Variants in CACNB2 observed in about 807,000 individuals in gnomAD.
The protein encoded by CACNB2 is voltage-dependent L-type calcium channel subunit beta-2.
A neutral mutation model predicts 73.3 loss-of-function variants in CACNB2; 42 were observed. The ratio of observed to expected loss-of-function variants is 0.57; its 90% CI spans 0.45 to 0.74. The LOEUF is 0.74. Among genes scored for constraint, CACNB2 ranks in the 30% least tolerant of loss-of-function variants. The probability of loss-of-function intolerance (pLI) is 0.00; values close to 1 mark genes in which losing one functional copy is unlikely to be tolerated. For missense variants in CACNB2, 940 were observed against 853.0 expected (o/e 1.10, Z -1.27); for synonymous variants, 348 against 310.3 (o/e 1.12, Z -1.28).
intron 2 of CACNB2, among the ~76,000 whole-genome samples, chr10:18,362,784 T>C (rs2042194103): frequency 6.6e-6 from 1 of 152,148 alleles, no homozygotes; most frequent in Non-Finnish European, 1.5e-5. Context: ...GGCACATGCC[T>C]GTAGTCCCAG....
chr10:18,194,874 A>G (rs1357091095), intron 2 of CACNB2, among the ~76,000 whole-genome samples: 1 of 152,210 alleles, frequency 6.6e-6, no homozygotes, highest in African/African-American at 2.4e-5. Flanking sequence ...CATGATGTCC[A>G]TTCACTTTAT....
intron 3 of CACNB2, among the ~76,000 whole-genome samples, chr10:18,479,647 G>A (rs1589479751): frequency 6.6e-6 from 1 of 152,132 alleles, no homozygotes; most frequent in South Asian, 2.1e-4. Flanking sequence ...TCTCATGATA[G>A]TGAGGTTCTT....
At chr10:18,227,563 A>G (rs373544118) in intron 2 of CACNB2, among the ~76,000 whole-genome samples, 2 of 152,344 alleles carry the variant, frequency 1.3e-5, no homozygotes, top group Admixed American at 6.5e-5. Flanking sequence ...GAGAAATCAA[A>G]GAGACAGTTT....
chr10:18,423,057 C>T (rs2045412288), intron 3 of CACNB2, among the ~76,000 whole-genome samples: 1 of 152,196 alleles, frequency 6.6e-6, no homozygotes, highest in Non-Finnish European at 1.5e-5. Flanking sequence ...CTGAATGAAT[C>T]ACATGATCTG....
intron 2 of CACNB2, among the ~76,000 whole-genome samples, chr10:18,348,187 G>A: frequency 6.6e-6 from 1 of 152,124 alleles, no homozygotes; most frequent in Non-Finnish European, 1.5e-5. Flanking sequence ...CGTTTGCAAC[G>A]ATGTACATTT....
At chr10:18,143,343 G>A (rs1489927897) in intron 1 of CACNB2, among the ~76,000 whole-genome samples, 3 of 152,120 alleles carry the variant, frequency 2.0e-5, no homozygotes, top group Non-Finnish European at 2.9e-5. Flanking sequence ...AGGCCTAAGC[G>A]AAAAAGAGAT....
At chr10:18,270,326 T>A (rs1337411373) in intron 2 of CACNB2, among the ~76,000 whole-genome samples, 1 of 152,186 alleles carries the variant, frequency 6.6e-6, no homozygotes, top group Non-Finnish European at 1.5e-5. Flanking sequence ...GGGGGGATTA[T>A]GGGGATTACA....
At chr10:18,532,400 G>A (rs944855590) in intron 10 of CACNB2, among the ~76,000 whole-genome samples, 28 of 152,004 alleles carry the variant, frequency 1.8e-4, no homozygotes, top group African/African-American at 5.3e-4. Flanking sequence ...AGGGCTGGGC[G>A]CAGTGGCTCA....
At chr10:18,461,463 A>T (rs2047572099) in intron 3 of CACNB2, among the ~76,000 whole-genome samples, 1 of 151,518 alleles carries the variant, frequency 6.6e-6, no homozygotes, top group South Asian at 2.1e-4. Context: ...CTATCAAGAT[A>T]TATTTATATT....
intron 3 of CACNB2, among the ~76,000 whole-genome samples, chr10:18,480,727 T>TA (rs1420626792): frequency 4.6e-5 from 7 of 152,200 alleles, no homozygotes; most frequent in Admixed American, 3.3e-4. Context: ...GAACTATGGT[T>TA]AGGGCTAAGA....
chr10:18,411,842 T>C (rs1226624381), intron 3 of CACNB2, among the ~76,000 whole-genome samples: 2 of 152,206 alleles, frequency 1.3e-5, no homozygotes, highest in African/African-American at 2.4e-5. Context: ...TGAGCAGTCA[T>C]GACCTTACAA....
In CACNB2 at chr10:18,446,489, T is replaced by C. The variant is rs181920738; in HGVS notation, c.333+44446T>C. On this transcript the variant is annotated intron_variant, in intron 3 of 13. Transcript: ENST00000324631. ...ACTATAAGACTAGAAACAAGATCTC[T>C]GCAAGGAAAAGAATCAATGAGGCTG... Among the ~76,000 whole-genome samples, 12 of 152,230 alleles carry C rather than the reference T, an allele frequency of 7.9e-5. No individual in the cohort carries two copies. In the East Asian group the frequency reaches 1.7e-3, roughly 22 times the overall value.
intron 2 of CACNB2, among the ~76,000 whole-genome samples, chr10:18,262,225 G>T (rs10764369): frequency 6.8e-6 from 1 of 146,888 alleles, no homozygotes; most frequent in African/African-American, 2.5e-5. Context: ...TGGAAAATTG[G>T]CCACAGAAAA....
chr10:18,475,509 A>T (rs1389659457), intron 3 of CACNB2, among the ~76,000 whole-genome samples: 1 of 152,184 alleles, frequency 6.6e-6, no homozygotes. Flanking sequence ...TGCAGATCAG[A>T]TAAGCATTTC....
At chr10:18,169,287 T>G (rs2033074699) in intron 2 of CACNB2, among the ~76,000 whole-genome samples, 1 of 152,176 alleles carries the variant, frequency 6.6e-6, no homozygotes, top group Non-Finnish European at 1.5e-5. Context: ...GTACAATGAG[T>G]AATTCTTTTG....
At chr10:18,394,261 T>A (rs975045242) in intron 2 of CACNB2, among the ~76,000 whole-genome samples, 7 of 151,912 alleles carry the variant, frequency 4.6e-5, no homozygotes, top group African/African-American at 1.7e-4. Context: ...TGGCCCAAAT[T>A]CGAAAATTTA....
At chr10:18,319,003 T>A (rs1199466736) in intron 2 of CACNB2, among the ~76,000 whole-genome samples, 1 of 152,158 alleles carries the variant, frequency 6.6e-6, no homozygotes, top group African/African-American at 2.4e-5. Flanking sequence ...TTGGCGGGAA[T>A]GTAAATTAGT....
In CACNB2 at chr10:18,464,418, T is replaced by TAAAATAAAAAAA. The variant is rs1554824204; in HGVS notation, c.334-33933_334-33932insTAAAAAAAAAAA. Among the ~76,000 whole-genome samples, 756 of 85,174 alleles carry TAAAATAAAAAAA rather than the reference T, an allele frequency of 8.9e-3. 22 individuals carry two copies. Among genetic ancestry groups the TAAAATAAAAAAA allele is most frequent in the Non-Finnish European group, 0.014 (614 of 43,282 alleles). 55.9% of individuals were successfully genotyped at this position (85,174 alleles called of 152,430 possible). A position where few individuals can be genotyped will look rare whatever the true frequency, so the allele number is the denominator to read the frequency against. On this transcript the variant is annotated intron_variant, in intron 3 of 13. Transcript: ENST00000324631. The stretch of plus-strand genomic sequence containing the variant: ...CAGAGTGAGACCCTGTCTCAAAAAT[T>TAAAATAAAAAAA]AAAAAAAAAAAAAAAAAAAAAAGAA...
At chr10:18,440,542 C>T (rs2046363519) in intron 3 of CACNB2, among the ~76,000 whole-genome samples, 1 of 152,092 alleles carries the variant, frequency 6.6e-6, no homozygotes, top group Admixed American at 6.6e-5. Flanking sequence ...TGGTCCACAT[C>T]TGTGGTGCCA....
Sources: gnomAD v4.1 joint callset for allele counts (sites outside exome capture counted in the v4.1 genomes callset) on GRCh38, gnomAD v4.1.1 for gene constraint, MANE v1.5 for transcripts, NCBI Gene and HGNC (gene_info 2026-07-23, HGNC 2026-07-21) for gene names.